Variants in LIPA observed in about 807,000 individuals in gnomAD.
The protein encoded by LIPA is lipase A, lysosomal acid type, also known as lysosomal acid lipase/cholesteryl ester hydrolase.
LIPA carries 26 observed loss-of-function variants against 40.6 expected under a neutral mutation model. The observed-to-expected ratio is 0.64, with a 90% CI of 0.47 to 0.89. The LOEUF is 0.89. LIPA is among the 40% of genes least tolerant of loss of function. The pLI, the probability that LIPA is intolerant of heterozygous loss-of-function variation, is 0.00. For synonymous variants in LIPA, 188 were observed against 168.4 expected, an observed-to-expected ratio of 1.12 and a Z score of -0.90; for missense variants, 455 against 479.6, an observed-to-expected ratio of 0.95 and a Z score of 0.48.
chr10:89,307,205 A>G, intron 1 of LIPA: 1 of 1,614,084 alleles, frequency 6.2e-7, no homozygotes, highest in Non-Finnish European at 8.5e-7. Flanking sequence ...CAAACTGCAA[A>G]AAATTGCCAA....
chr10:89,261,593 CAG>C (rs1277230605), intron 1 of LIPA, among the ~76,000 whole-genome samples: 6 of 152,134 alleles, frequency 3.9e-5, no homozygotes, highest in Admixed American at 2.0e-4. Context: ...TCTTGAAAAA[CAG>C]AGAGAATGCT....
chr10:89,306,530 C>T, intron 1 of LIPA: 1 of 1,614,104 alleles, frequency 6.2e-7, no homozygotes, highest in Non-Finnish European at 8.5e-7. Flanking sequence ...GCCACCATCT[C>T]AGAACGCCAT....
intron 1 of LIPA, among the ~76,000 whole-genome samples, chr10:89,301,769 G>C (rs951479177): frequency 6.6e-6 from 1 of 152,166 alleles, no homozygotes; most frequent in African/African-American, 2.4e-5. Context: ...TGAAATAAGA[G>C]AGGGACAGTG....
At chr10:89,355,254 T>C (rs1336415457) in intron 2 of LIPA, among the ~76,000 whole-genome samples, 1 of 152,068 alleles carries the variant, frequency 6.6e-6, no homozygotes, top group Non-Finnish European at 1.5e-5. Context: ...AGTGGTTGAG[T>C]TTGGGGGACA....
In LIPA at chr10:89,228,398, C is replaced by T. The variant is rs745407428; in HGVS notation, c.230G>A (p.Gly77Asp). Reference protein sequence around the residue: ...PHGRKNHSDKGPKPVVFLQHG... With the variant: ...PHGRKNHSDKDPKPVVFLQHG... ...TTGCAGGAAGACAACTGGTTTGGGA[C>T]CTGAAAAACATTCATTGTTTAGGAG... The change falls in exon 4 of 10, where the codon GGT (glycine) becomes GAT (aspartate). Residue 77 changes from glycine (G) to aspartate (D), a missense_variant and splice_region_variant. Coordinates refer to ENST00000336233, the MANE Select transcript of LIPA (RefSeq NM_000235.4). 1 of 1,614,062 alleles carries T rather than the reference C, an allele frequency of 6.2e-7. No homozygotes were observed. Among genetic ancestry groups the T allele is most frequent in the South Asian group, 1.1e-5 (1 of 91,084 alleles).
chr10:89,399,165 A>G (rs765696859), intron 2 of LIPA, among the ~76,000 whole-genome samples: 4 of 151,984 alleles, frequency 2.6e-5, no homozygotes, highest in Non-Finnish European at 4.4e-5. Context: ...GGCCATTTGT[A>G]TATTTTCTTT....
At chr10:89,413,912 G>A (rs76562610) in intron 1 of LIPA, among the ~76,000 whole-genome samples, 1 of 152,168 alleles carries the variant, frequency 6.6e-6, no homozygotes, top group East Asian at 1.9e-4. Context: ...AACAAAGTCT[G>A]GCTCTTACAG....
chr10:89,294,847 A>G (rs1843400576), intron 1 of LIPA, among the ~76,000 whole-genome samples: 1 of 151,912 alleles, frequency 6.6e-6, no homozygotes, highest in African/African-American at 2.4e-5. Context: ...AGTGGCACTC[A>G]TCTGTGATCC....
intron 2 of LIPA, among the ~76,000 whole-genome samples, chr10:89,351,470 C>T (rs1198138496): frequency 2.6e-5 from 4 of 152,172 alleles, no homozygotes; most frequent in Non-Finnish European, 5.9e-5. Context: ...TAAATTAGGG[C>T]TCCACAGAGC....
chr10:89,293,430 A>C (rs1843388187), intron 1 of LIPA: 2 of 152,134 alleles, frequency 1.3e-5, no homozygotes, highest in African/African-American at 4.8e-5. Context: ...AATTCCTCTT[A>C]CGGTCTCCAC....
At chr10:89,288,716 C>A (rs1443358288) in intron 1 of LIPA, among the ~76,000 whole-genome samples, 1 of 152,132 alleles carries the variant, frequency 6.6e-6, no homozygotes, top group Non-Finnish European at 1.5e-5. Context: ...ATAGTATCTT[C>A]CACACCTATC....
chr10:89,257,838 C>T (rs1436565754), intron 1 of LIPA, among the ~76,000 whole-genome samples: 2 of 152,168 alleles, frequency 1.3e-5, no homozygotes, highest in Admixed American at 6.5e-5. Context: ...GAGGCTGTGG[C>T]GAGCTGCAGA....
intron 2 of LIPA, chr10:89,383,376 T>A (rs1018832402): frequency 1.2e-6 from 2 of 1,614,120 alleles, no homozygotes; most frequent in African/African-American, 2.7e-5. Context: ...GATGTCACTT[T>A]ACATGGAAGT....
At chr10:89,281,077 A>G (rs536548250) in intron 1 of LIPA, among the ~76,000 whole-genome samples, 27 of 152,264 alleles carry the variant, frequency 1.8e-4, no homozygotes, top group Non-Finnish European at 3.7e-4. Flanking sequence ...GATTTTAAAA[A>G]GAAGGCAAAT....
chr10:89,360,053 A>G (rs1404514941), intron 2 of LIPA, among the ~76,000 whole-genome samples: 2 of 152,178 alleles, frequency 1.3e-5, no homozygotes, highest in Non-Finnish European at 2.9e-5. Flanking sequence ...TTAAACTCAC[A>G]CATGTACTAA....
chr10:89,329,202 C>T (rs956399385), intron 1 of LIPA, among the ~76,000 whole-genome samples: 1 of 152,132 alleles, frequency 6.6e-6, no homozygotes, highest in Admixed American at 6.5e-5. Flanking sequence ...GATTCCCTAC[C>T]TTACTCTGCC....
chr10:89,345,632 A>T (rs10159717), upstream of LIPA, among the ~76,000 whole-genome samples: 2,338 of 152,166 alleles, frequency 0.015, 29 homozygotes, highest in African/African-American at 0.035. Flanking sequence ...AAAACTTAGA[A>T]ATATAAAAAC....
At chr10:89,281,014 T>C (rs913127000) in intron 1 of LIPA, among the ~76,000 whole-genome samples, 1 of 152,264 alleles carries the variant, frequency 6.6e-6, no homozygotes, top group Non-Finnish European at 1.5e-5. Context: ...ACTATGGTCA[T>C]GCCACAGAGG....
chr10:89,413,779 AAAACC>A (rs1173552698), intron 1 of LIPA, among the ~76,000 whole-genome samples: 7 of 148,844 alleles, frequency 4.7e-5, no homozygotes, highest in East Asian at 2.5e-4. Flanking sequence ...AAAAAAAAAA[AAAACC>A]AAAATCAATG....
Sources: allele counts gnomAD v4.1 joint callset (sites outside exome capture counted in the v4.1 genomes callset), GRCh38; gene constraint gnomAD v4.1.1; transcripts MANE v1.5; gene names NCBI Gene and HGNC (gene_info 2026-07-23, HGNC 2026-07-21).